TGM5: variants seen among roughly 807,000 people sequenced by gnomAD.
TGM5 encodes transglutaminase 5.
TGM5 carries 69 observed loss-of-function variants against 77.2 expected under a neutral mutation model. The ratio of observed to expected loss-of-function variants is 0.89; its 90% CI spans 0.74 to 1.09. The LOEUF is 1.09. Among genes scored for constraint, TGM5 ranks in the 50% least tolerant of loss-of-function variants. TGM5 has a pLI of 0.00. For synonymous variants in TGM5, 346 were observed against 351.8 expected, an observed-to-expected ratio of 0.98 and a Z score of 0.18; for missense variants, 842 against 896.5, an observed-to-expected ratio of 0.94 and a Z score of 0.78.
chr15:43,248,351 T>C (rs979137036), intron 6 of TGM5, among the ~76,000 whole-genome samples: 4 of 152,086 alleles, frequency 2.6e-5, no homozygotes, highest in African/African-American at 9.7e-5. Context: ...TTTTTGTATT[T>C]TTAGTACAGA....
chr15:43,238,231 G>A (rs1316785391), intron 9 of TGM5, among the ~76,000 whole-genome samples: 1 of 152,166 alleles, frequency 6.6e-6, no homozygotes, highest in Non-Finnish European at 1.5e-5. Flanking sequence ...TGGCCCTCAT[G>A]GACTGGATAT....
Position 43,256,584 on chromosome 15 carries a change from G to C in TGM5, c.539C>G (p.Pro180Arg). The change falls in exon 4 of 13, where the codon CCC becomes CGC. Residue 180 changes from proline (P) to arginine (R), a missense_variant. Coordinates refer to ENST00000220420, the MANE Select transcript of TGM5 (RefSeq NM_201631.4). ...GAGACTCACCTGTCCATAGTTCCAG[G>C]GACATGGGCGGATCCAGTTCTTGCT... is the stretch of plus-strand genomic sequence containing the variant. Reference protein sequence around the residue: ...QGSKNWIRPCPWNYGQFEDKI... With the variant: ...QGSKNWIRPCRWNYGQFEDKI... 1 of 1,613,956 alleles carries C rather than the reference G, an allele frequency of 6.2e-7. No individual in the cohort carries two copies. Among genetic ancestry groups the C allele is most frequent in the Non-Finnish European group, 8.5e-7 (1 of 1,179,860 alleles).
rs201893269 is a variant in TGM5, at chr15:43,239,137, C to G, written c.1105+26G>C. ...TGGGGTGCTTTCCACGGGAGCGGGG[C>G]CTGCCTTTCTTCTGGAGAGCCTCAC... On this transcript the variant is annotated intron_variant, in intron 8 of 12. Transcript: ENST00000220420. 25 of 1,614,088 alleles carry G rather than the reference C, an allele frequency of 1.5e-5. No individual in the cohort carries two copies. The African/African-American group carries it at 3.2e-4, about 21-fold the overall frequency.
chr15:43,247,755 C>T (rs527336767), intron 6 of TGM5: 28 of 152,200 alleles, frequency 1.8e-4, no homozygotes, highest in African/African-American at 6.3e-4. Context: ...CTTTTCCATT[C>T]CCACTGCTTC....
chr15:43,236,018 C>G (rs1225336808), intron 9 of TGM5, among the ~76,000 whole-genome samples, 181 bp from the exon 10 acceptor site: 1 of 152,226 alleles, frequency 6.6e-6, no homozygotes, highest in East Asian at 1.9e-4. Context: ...ACTTCACACC[C>G]TTCCTCCTGT....
Position 43,235,707 on chromosome 15 carries a change from C to T in TGM5, c.1476G>A (p.Arg492=), listed in dbSNP as rs1013226748. 3 of 1,614,078 alleles carry T rather than the reference C, an allele frequency of 1.9e-6. No individual in the cohort carries two copies. Among genetic ancestry groups the T allele is most frequent in the African/African-American group, 2.7e-5 (2 of 74,930 alleles). The change falls in exon 10 of 13, where the codon CGG becomes CGA. Residue 492 remains arginine, a synonymous_variant. Coordinates refer to ENST00000220420, the MANE Select transcript of TGM5 (RefSeq NM_201631.4). ...RPTSLSQDSP[R]SLHTPSLRPS... The stretch of plus-strand genomic sequence containing the variant: ...GTCGAAGGGAAGGTGTATGCAGGCT[C>T]CGAGGGCTGTCCTGGCTCAGTGATG...
intron 11 of TGM5, among the ~76,000 whole-genome samples, chr15:43,234,095 T>G (rs1218987170): frequency 6.6e-6 from 1 of 152,200 alleles, no homozygotes; most frequent in Non-Finnish European, 1.5e-5. Context: ...CAAGGTCCTT[T>G]CCTTTTCTCT....
At chr15:43,261,066 T>TTG (rs869266811) in intron 1 of TGM5, among the ~76,000 whole-genome samples, 4 of 70,804 alleles carry the variant, frequency 5.6e-5, no homozygotes, top group African/African-American at 7.8e-5. Flanking sequence ...CTTCCTTTTT[T>TTG]TGTGTGTGTG....
chr15:43,255,184 A>G (rs1046579796), intron 4 of TGM5, among the ~76,000 whole-genome samples: 12 of 152,174 alleles, frequency 7.9e-5, no homozygotes, highest in African/African-American at 2.9e-4. Context: ...AAATAAAAAA[A>G]TTAGCCAGGT....
chr15:43,239,907 G>T (rs970238124), intron 7 of TGM5, among the ~76,000 whole-genome samples: 1 of 152,044 alleles, frequency 6.6e-6, no homozygotes, highest in Non-Finnish European at 1.5e-5. Context: ...GCCGTCCTGT[G>T]GTCAGAACTG....
intron 4 of TGM5, among the ~76,000 whole-genome samples, chr15:43,255,396 G>C (rs1189442753): frequency 1.3e-5 from 2 of 152,094 alleles, no homozygotes; most frequent in Non-Finnish European, 2.9e-5. Flanking sequence ...CCAGGTCTGA[G>C]AAAGCAGCAA....
chr15:43,249,252 C>G (rs1431083214), intron 6 of TGM5, among the ~76,000 whole-genome samples: 3 of 152,176 alleles, frequency 2.0e-5, no homozygotes, highest in African/African-American at 7.2e-5. Flanking sequence ...TGCCTGGCTT[C>G]TTCTCAAATA....
intron 1 of TGM5, among the ~76,000 whole-genome samples, chr15:43,262,220 C>A (rs750810662): frequency 6.6e-6 from 1 of 152,216 alleles, no homozygotes; most frequent in Admixed American, 6.5e-5. Flanking sequence ...TTACCTGAAT[C>A]GCTCATCTGC....
rs1263570352 is a variant in TGM5, at chr15:43,235,682, G to T, written c.1501C>A (p.Pro501Thr). The T allele has an allele frequency of 6.2e-7, 1 of 1,614,204 alleles. No individual in the cohort carries two copies. Residue 501 changes from proline (P) to threonine (T), a missense_variant, in exon 10 of 13, where the codon CCC becomes ACC. Around this residue, in one of 2 missense-constraint regions of TGM5, gnomAD observed 815 missense variants for 844.6 expected, o/e 0.96. Transcript: ENST00000220420. ...AGGGAGACTTGCACCACATCACTGG[G>T]TCGAAGGGAAGGTGTATGCAGGCTC... ...PRSLHTPSLR[P>T]SDVVQVSLKF...
intron 1 of TGM5, 193 bp from the exon 2 acceptor site, chr15:43,260,772 G>A (rs2042780171): frequency 1.4e-6 from 1 of 699,328 alleles, no homozygotes; most frequent in Admixed American, 2.1e-5. Flanking sequence ...TTCCATGCAT[G>A]CGCTTTCCTC....
intron 7 of TGM5, 123 bp from the exon 8 acceptor site, chr15:43,239,389 CCT>C (rs1291645238): frequency 1.0e-6 from 1 of 982,020 alleles, no homozygotes; most frequent in Non-Finnish European, 1.6e-6. Context: ...GGGCTTAAAA[CCT>C]CTGTGGATAG....
chr15:43,238,875 T>G lies in TGM5; in HGVS notation c.1287A>C (p.Thr429=). Residue 429 remains threonine (T), a synonymous_variant, in exon 9 of 13, where the codon ACA becomes ACC. Transcript: ENST00000220420. ...DTSSVGNFIS[T]KSIQSDERDD... ...CCCGCTCGTCACTCTGGATGCTCTTTGTGCTGATAAAATTGCCAACAGAAC... is the reference window on the plus strand; with the variant it reads ...CCCGCTCGTCACTCTGGATGCTCTTGGTGCTGATAAAATTGCCAACAGAAC... 6.2e-7 allele frequency: 1 copy of G among 1,614,218 alleles called. No homozygotes were observed.
At chr15:43,240,354 C>T (rs1461683410) in intron 7 of TGM5, among the ~76,000 whole-genome samples, 4 of 152,332 alleles carry the variant, frequency 2.6e-5, no homozygotes, top group South Asian at 4.1e-4. Flanking sequence ...CAGATTTCTA[C>T]ATGGCTGTCC....
At chr15:43,240,339 C>A (rs542126504) in intron 7 of TGM5, among the ~76,000 whole-genome samples, 29 of 152,260 alleles carry the variant, frequency 1.9e-4, no homozygotes, top group African/African-American at 6.7e-4. Context: ...TACCATTTGT[C>A]CAAGCAGATT....
Sources: allele counts gnomAD v4.1 joint callset (sites outside exome capture counted in the v4.1 genomes callset), GRCh38; gene constraint gnomAD v4.1.1; regional missense constraint gnomAD v4.1.1; transcripts MANE v1.5; gene names NCBI Gene and HGNC (gene_info 2026-07-23, HGNC 2026-07-21).